PDE3A: variants seen among roughly 807,000 people sequenced by gnomAD.
The protein encoded by PDE3A is cGMP-inhibited 3',5'-cyclic phosphodiesterase 3A.
PDE3A carries 43 observed loss-of-function variants against 98.3 expected under a neutral mutation model. That is an observed-to-expected ratio of 0.44 (90% confidence interval 0.34 to 0.56). The LOEUF is 0.56. PDE3A is among the 20% of genes least tolerant of loss of function. The pLI, the probability that PDE3A is intolerant of heterozygous loss-of-function variation, is 0.01. For synonymous variants in PDE3A, 663 were observed against 567.9 expected (o/e 1.17, Z -2.38); for missense variants, 1,427 against 1,440.7 (o/e 0.99, Z 0.15).
At chr12:20,645,374 T>A (rs1044380918) in intron 10 of PDE3A, among the ~76,000 whole-genome samples, 3 of 152,150 alleles carry the variant, frequency 2.0e-5, no homozygotes, top group African/African-American at 7.2e-5. Flanking sequence ...GACCATAGGT[T>A]TCCTCTTTCT....
chr12:20,601,924 G>A (rs570445111), intron 2 of PDE3A, among the ~76,000 whole-genome samples: 6 of 152,232 alleles, frequency 3.9e-5, no homozygotes, highest in Admixed American at 6.5e-5. Context: ...GAAGCCTTAA[G>A]TTCAAATTTA....
At chr12:20,461,333 A>G in intron 1 of PDE3A, among the ~76,000 whole-genome samples, 1 of 151,932 alleles carries the variant, frequency 6.6e-6, no homozygotes, top group East Asian at 1.9e-4. Flanking sequence ...GTACTTATAT[A>G]AAGTATTACT....
chr12:20,483,992 C>T (rs892482938), intron 1 of PDE3A, among the ~76,000 whole-genome samples: 1 of 152,152 alleles, frequency 6.6e-6, no homozygotes, highest in Non-Finnish European at 1.5e-5. Context: ...TTCCTTTACT[C>T]CTCCCATATC....
At chr12:20,421,968 T>C (rs928699523) in intron 1 of PDE3A, among the ~76,000 whole-genome samples, 1 of 152,224 alleles carries the variant, frequency 6.6e-6, no homozygotes, top group African/African-American at 2.4e-5. Flanking sequence ...AATATAATAG[T>C]ATAAATTTCC....
intron 2 of PDE3A, among the ~76,000 whole-genome samples, chr12:20,598,174 A>T (rs906116973): frequency 1.1e-4 from 17 of 150,054 alleles, no homozygotes; most frequent in African/African-American, 4.2e-4. Context: ...TTCTTTTTTT[A>T]ATTATTATTA....
At chr12:20,412,762 A>G (rs535169843) in intron 1 of PDE3A, among the ~76,000 whole-genome samples, 2 of 152,314 alleles carry the variant, frequency 1.3e-5, no homozygotes, top group Non-Finnish European at 2.9e-5. Context: ...AACTCAAGGT[A>G]GTCGTTGAGT....
rs997347310 is a variant in PDE3A at position 20,682,359 on chromosome 12, T to C, written c.*2088T>C. 4.6e-5 allele frequency: 7 copies of C among 152,218 alleles called. No individual in the cohort carries two copies. The highest frequency in any genetic ancestry group is 1.7e-4 in the African/African-American group (7 of 41,460). The allele number at this position is 152,218 out of a possible 1,614,324, so 9.4% of individuals were successfully genotyped here. A position where few individuals can be genotyped will look rare whatever the true frequency, so the allele number is the denominator to read the frequency against. ...ACGTAGTAGAAAGGAATGTTTACAT[T>C]AAAAATACTTTTGTTTCTCATAAAT... On this transcript the variant is annotated 3_prime_UTR_variant, in exon 16 of 16. Coordinates refer to ENST00000359062, the MANE Select transcript of PDE3A (RefSeq NM_000921.5).
chr12:20,616,539 A>G (rs1245407211), intron 4 of PDE3A, among the ~76,000 whole-genome samples, 155 bp downstream of exon 4: 1 of 152,210 alleles, frequency 6.6e-6, no homozygotes, highest in Non-Finnish European at 1.5e-5. Context: ...GCAGAGCAGT[A>G]TAGGGGTTAA....
At chr12:20,611,150 C>T (rs1201452654) in intron 2 of PDE3A, among the ~76,000 whole-genome samples, 1 of 151,602 alleles carries the variant, frequency 6.6e-6, no homozygotes, top group Non-Finnish European at 1.5e-5. Context: ...TGTTGTAAGC[C>T]TCAAGTATAC....
chr12:20,559,641 A>G (rs1333459469), intron 2 of PDE3A, among the ~76,000 whole-genome samples: 1 of 151,362 alleles, frequency 6.6e-6, no homozygotes, highest in African/African-American at 2.4e-5. Flanking sequence ...ACTGCACTCC[A>G]GCCTGGGCAA....
intron 1 of PDE3A, among the ~76,000 whole-genome samples, chr12:20,386,128 T>A (rs1335987676): frequency 2.4e-5 from 2 of 81,720 alleles, no homozygotes; most frequent in African/African-American, 1.1e-4. Flanking sequence ...TATAAATATA[T>A]ATAAATATAT....
At chr12:20,546,458 G>A (rs1165788434) in intron 1 of PDE3A, among the ~76,000 whole-genome samples, 6 of 151,998 alleles carry the variant, frequency 3.9e-5, no homozygotes, top group African/African-American at 9.7e-5. Context: ...CCAATCCAGA[G>A]CACTGACCTC....
At chr12:20,392,085 T>C (rs1943927217) in intron 1 of PDE3A, among the ~76,000 whole-genome samples, 1 of 151,952 alleles carries the variant, frequency 6.6e-6, no homozygotes, top group Non-Finnish European at 1.5e-5. Flanking sequence ...TTTGTCAGCA[T>C]AATAATCTAT....
intron 2 of PDE3A, among the ~76,000 whole-genome samples, chr12:20,570,123 A>C (rs1942761304): frequency 2.0e-5 from 3 of 152,112 alleles, no homozygotes; most frequent in African/African-American, 7.2e-5. Context: ...GTGCTCTCTT[A>C]AGTTATCAAC....
chr12:20,390,484 G>A (rs952962833), intron 1 of PDE3A, among the ~76,000 whole-genome samples: 7 of 151,524 alleles, frequency 4.6e-5, no homozygotes, highest in Non-Finnish European at 8.8e-5. Flanking sequence ...CTGCAGTTGG[G>A]AGGATTAGCT....
intron 15 of PDE3A, among the ~76,000 whole-genome samples, chr12:20,664,838 T>C (rs781023916): frequency 1.9e-4 from 29 of 152,216 alleles, no homozygotes; most frequent in Middle Eastern, 3.4e-3. Context: ...CAGTGTGAAA[T>C]TGACTAACAC....
chr12:20,610,103 A>G (rs1943811218), intron 2 of PDE3A, among the ~76,000 whole-genome samples: 1 of 104,210 alleles, frequency 9.6e-6, no homozygotes, highest in African/African-American at 3.5e-5. Flanking sequence ...AACAAAATGA[A>G]AAGGCAACTG....
chr12:20,503,118 G>A (rs1482366039), intron 1 of PDE3A, among the ~76,000 whole-genome samples: 2 of 151,740 alleles, frequency 1.3e-5, no homozygotes, highest in Non-Finnish European at 2.9e-5. Context: ...AATTATATAG[G>A]CATTTAATCC....
At chr12:20,675,418 A>C (rs138144310) in intron 15 of PDE3A, among the ~76,000 whole-genome samples, 1 of 152,212 alleles carries the variant, frequency 6.6e-6, no homozygotes, top group Non-Finnish European at 1.5e-5. Context: ...AATATCTGTG[A>C]AGTCCATTGG....
Sources: allele counts gnomAD v4.1 joint callset (sites outside exome capture counted in the v4.1 genomes callset), GRCh38; gene constraint gnomAD v4.1.1; transcripts MANE v1.5; gene names NCBI Gene and HGNC (gene_info 2026-07-23, HGNC 2026-07-21).